SSH2: variants seen among roughly 807,000 people sequenced by gnomAD.
The protein encoded by SSH2 is slingshot protein phosphatase 2.
SSH2 carries 37 observed loss-of-function variants against 135.2 expected under a neutral mutation model. That is an observed-to-expected ratio of 0.27 (90% CI 0.21 to 0.36). SSH2 has a LOEUF of 0.36. Ranked by LOEUF, SSH2 falls within the 10% of genes least tolerant of loss-of-function variation. SSH2 has a pLI of 1.00. For synonymous variants in SSH2, 628 were observed against 646.2 expected (o/e 0.97, Z 0.43); for missense variants, 1,408 against 1,765.3 (o/e 0.80, Z 3.63).
chr17:29,870,898 T>C (rs1484272459), intron 1 of SSH2, among the ~76,000 whole-genome samples: 1 of 152,220 alleles, frequency 6.6e-6, no homozygotes, highest in Non-Finnish European at 1.5e-5. Context: ...TATGATACAA[T>C]TGAAGTCTGC....
At chr17:29,833,515 G>C (rs749885594) in intron 2 of SSH2, among the ~76,000 whole-genome samples, 3 of 152,072 alleles carry the variant, frequency 2.0e-5, no homozygotes, top group Non-Finnish European at 2.9e-5. Context: ...CAGATCATTA[G>C]ATCTTGTTTT....
At chr17:29,694,685 T>C (rs776836645) in intron 5 of SSH2, among the ~76,000 whole-genome samples, 1 of 152,026 alleles carries the variant, frequency 6.6e-6, no homozygotes, top group African/African-American at 2.4e-5. Context: ...AGGATTATGG[T>C]AAATTAAGAA....
At chr17:29,678,064 A>G (rs1456729098) in intron 6 of SSH2, among the ~76,000 whole-genome samples, 1 of 151,698 alleles carries the variant, frequency 6.6e-6, no homozygotes, top group Non-Finnish European at 1.5e-5. Flanking sequence ...GTCTTAGCAC[A>G]TAGTACAGTG....
At chr17:29,835,805 C>T (rs2042932838) in intron 2 of SSH2, among the ~76,000 whole-genome samples, 2 of 151,930 alleles carry the variant, frequency 1.3e-5, no homozygotes, top group African/African-American at 4.8e-5. Context: ...ACATTTTACC[C>T]TATCTCTACT....
At chr17:29,644,069 C>T (rs774672187) in intron 14 of SSH2, among the ~76,000 whole-genome samples, 4 of 152,214 alleles carry the variant, frequency 2.6e-5, no homozygotes, top group Non-Finnish European at 5.9e-5. Flanking sequence ...TGAGCCACTA[C>T]AGAGACTACT....
At chr17:29,799,876 C>T (rs781666940) in intron 2 of SSH2, among the ~76,000 whole-genome samples, 4 of 152,152 alleles carry the variant, frequency 2.6e-5, no homozygotes, top group East Asian at 1.9e-4. Flanking sequence ...AGGATTTGAA[C>T]GTGGGTCTAT....
chr17:29,654,802 G>T (rs950845888), intron 12 of SSH2, among the ~76,000 whole-genome samples: 1 of 152,098 alleles, frequency 6.6e-6, no homozygotes, highest in African/African-American at 2.4e-5. Flanking sequence ...TCAGAAGCTT[G>T]TCCAGTTCAC....
intron 14 of SSH2, chr17:29,644,834 C>A (rs1389134428): frequency 6.8e-6 from 1 of 147,992 alleles, no homozygotes; most frequent in African/African-American, 2.6e-5. Flanking sequence ...AAATAAATAA[C>A]CCTCCTCAAA....
At chr17:29,693,466 C>T (rs1388051659) in intron 5 of SSH2, among the ~76,000 whole-genome samples, 1 of 151,856 alleles carries the variant, frequency 6.6e-6, no homozygotes, top group East Asian at 1.9e-4. Flanking sequence ...TGTGTGCCAA[C>T]ACACCTGGCT....
rs1177254086 is a variant in SSH2 at position 29,626,036 on chromosome 17, G to A, written c.*4805C>T. ...CATTTAAAAACAGTGGAGCATATCT[G>A]TAATAAAAAAATCTATGATACAAGT... is the stretch of plus-strand genomic sequence containing the variant. On this transcript the variant is annotated 3_prime_UTR_variant, in exon 16 of 16. Coordinates refer to ENST00000540801, the MANE Select transcript of SSH2 (RefSeq NM_001282129.2). 1 of 152,578 alleles carries A rather than the reference G, an allele frequency of 6.6e-6. No homozygotes were observed. Among genetic ancestry groups the A allele is most frequent in the Non-Finnish European group, 1.5e-5 (1 of 68,026 alleles). 9.5% of individuals were successfully genotyped at this position (152,578 alleles called of 1,614,324 possible).
intron 1 of SSH2, among the ~76,000 whole-genome samples, chr17:29,867,680 A>C (rs1211287113): frequency 6.6e-6 from 1 of 152,230 alleles, no homozygotes; most frequent in African/African-American, 2.4e-5. Context: ...TTGTCTGGGG[A>C]TGTATGCCAG....
At chr17:29,763,008 A>G (rs998618402) in intron 3 of SSH2, among the ~76,000 whole-genome samples, 30 of 152,230 alleles carry the variant, frequency 2.0e-4, no homozygotes, top group African/African-American at 7.0e-4. Flanking sequence ...CAAGAAAATA[A>G]TAAGCCTTTG....
At chr17:29,689,919 C>T (rs1311469830) in intron 5 of SSH2, among the ~76,000 whole-genome samples, 3 of 147,250 alleles carry the variant, frequency 2.0e-5, no homozygotes, top group South Asian at 2.2e-4. Context: ...GAGGCTGAGT[C>T]GTGAGAATCA....
At chr17:29,752,709 C>T (rs187054635) in intron 3 of SSH2, among the ~76,000 whole-genome samples, 5 of 151,482 alleles carry the variant, frequency 3.3e-5, no homozygotes, top group East Asian at 1.9e-4. Flanking sequence ...TTATATGGGA[C>T]GCAAAGTTAA....
At chr17:29,694,705 G>C (rs1010100640) in intron 5 of SSH2, among the ~76,000 whole-genome samples, 2 of 152,090 alleles carry the variant, frequency 1.3e-5, no homozygotes, top group Admixed American at 6.6e-5. Context: ...ACCCATGCTA[G>C]ATCTCACCTA....
intron 3 of SSH2, among the ~76,000 whole-genome samples, chr17:29,733,045 C>T (rs1466930935): frequency 6.6e-6 from 1 of 152,194 alleles, no homozygotes; most frequent in Non-Finnish European, 1.5e-5. Context: ...AGGTTTTCAA[C>T]CTGGGAATCA....
chr17:29,750,453 A>AT (rs200840483), intron 3 of SSH2, among the ~76,000 whole-genome samples: 14 of 148,942 alleles, frequency 9.4e-5, no homozygotes, highest in South Asian at 4.2e-4. Context: ...AAAAAAAAAA[A>AT]TTTTTTTTTA....
chr17:29,745,340 A>G (rs983773144), intron 3 of SSH2, among the ~76,000 whole-genome samples: 1 of 151,970 alleles, frequency 6.6e-6, no homozygotes, highest in African/African-American at 2.4e-5. Flanking sequence ...TTGTATTTTT[A>G]GTAGAGACGG....
At chr17:29,796,687 G>A in intron 2 of SSH2, among the ~76,000 whole-genome samples, 1 of 151,958 alleles carries the variant, frequency 6.6e-6, no homozygotes, top group East Asian at 1.9e-4. Flanking sequence ...TCATCTATCT[G>A]TCCATCTATC....
Sources: gnomAD v4.1 joint callset for allele counts (sites outside exome capture counted in the v4.1 genomes callset) on GRCh38, gnomAD v4.1.1 for gene constraint, MANE v1.5 for transcripts, NCBI Gene and HGNC (gene_info 2026-07-23, HGNC 2026-07-21) for gene names.